Variants in LATS2 observed in about 807,000 individuals in gnomAD.
LATS2 encodes the protein large tumor suppressor kinase 2, also known as serine/threonine-protein kinase LATS2.
In LATS2, 24 loss-of-function variants were observed where a neutral mutation model predicts 76.0. The observed-to-expected ratio is 0.32, with a 90% CI of 0.23 to 0.44. LATS2 has a LOEUF of 0.44. Among genes scored for constraint, LATS2 ranks in the 20% least tolerant of loss-of-function variants. LATS2 has a pLI of 1.00. For synonymous variants in LATS2, 692 were observed against 635.4 expected (o/e 1.09, Z -1.34); for missense variants, 1,286 against 1,481.2 (o/e 0.87, Z 2.16).
At chr13:20,978,926 T>C (rs1162131327) in intron 7 of LATS2, among the ~76,000 whole-genome samples, 1 of 152,124 alleles carries the variant, frequency 6.6e-6, no homozygotes, top group Non-Finnish European at 1.5e-5. Flanking sequence ...CATGATGGAC[T>C]AATATTTTGT....
intron 2 of LATS2, among the ~76,000 whole-genome samples, chr13:21,010,789 T>C (rs1048800429): frequency 2.6e-5 from 4 of 152,172 alleles, no homozygotes; most frequent in African/African-American, 9.7e-5. Flanking sequence ...CTGTTCCTGT[T>C]TACCCTGCCT....
At chr13:20,983,158 G>A in intron 5 of LATS2, 66 bp downstream of exon 5, 1 of 1,100,500 alleles carries the variant, frequency 9.1e-7, no homozygotes, top group Non-Finnish European at 1.3e-6. Flanking sequence ...GGGAAATTTA[G>A]TTGCTTGCAA....
In LATS2 at chr13:20,988,856, G is replaced by T; in HGVS notation, c.924C>A (p.Ala308=). The stretch of plus-strand genomic sequence containing the variant: ...GTGGGTGCGGCACGTAGAGCCCGGC[G>T]GCAGGGGGTGGGAAAGCGAGGCCGG... The part of the protein sequence containing the change: ...PGAGLAFPPP[A]AGLYVPHPHH... Residue 308 remains alanine, a synonymous_variant, in exon 4 of 8, where the codon GCC becomes GCA. Coordinates refer to ENST00000382592, the MANE Select transcript of LATS2 (RefSeq NM_014572.3). The T allele has an allele frequency of 1.3e-6, 2 of 1,586,702 alleles. No homozygotes were observed. The highest frequency in any genetic ancestry group is 1.7e-6 in the Non-Finnish European group (2 of 1,172,622).
At chr13:21,047,246 TC>T (rs771745531) in intron 1 of LATS2, among the ~76,000 whole-genome samples, 1 of 152,136 alleles carries the variant, frequency 6.6e-6, no homozygotes. Flanking sequence ...CCTGGACCAG[TC>T]CCTTCGCCTC....
intron 2 of LATS2, among the ~76,000 whole-genome samples, chr13:21,041,368 C>T (rs924237344): frequency 1.3e-5 from 2 of 152,222 alleles, no homozygotes; most frequent in Non-Finnish European, 2.9e-5. Flanking sequence ...CACATCCTGA[C>T]CACTGGCTGT....
chr13:21,006,257 G>C (rs1871264817), intron 2 of LATS2, among the ~76,000 whole-genome samples: 1 of 151,144 alleles, frequency 6.6e-6, no homozygotes, highest in Non-Finnish European at 1.5e-5. Flanking sequence ...GAGCCTGCAA[G>C]AGGCTGGGAC....
At position 20,987,799 on chromosome 13, in the gene LATS2, C is replaced by G. The variant is rs909161798; in HGVS notation, c.1899+82G>C. ...GATGATAAGGGGTATACAGTCGAAA[C>G]AGAAAAGGGATTGTGCGTGCTTCCT... is the stretch of plus-strand genomic sequence containing the variant. On this transcript the variant is annotated intron_variant, in intron 4 of 7. Coordinates refer to ENST00000382592, the MANE Select transcript of LATS2 (RefSeq NM_014572.3). 2.6e-5 allele frequency: 39 copies of G among 1,500,474 alleles called. No homozygotes were observed. The South Asian group carries it at 4.1e-4, about 16-fold the overall frequency. The allele number at this position is 1,500,474 out of a possible 1,614,324, so 92.9% of individuals were successfully genotyped here. A position where few individuals can be genotyped will look rare whatever the true frequency, so the allele number is the denominator to read the frequency against.
chr13:21,010,759 T>C (rs1301490902), intron 2 of LATS2, among the ~76,000 whole-genome samples: 3 of 152,190 alleles, frequency 2.0e-5, no homozygotes, highest in African/African-American at 7.2e-5. Context: ...TCTGCTTAAC[T>C]TGGGGACTTT....
chr13:21,007,582 TATATAG>T lies in LATS2; in HGVS notation c.343-16184_343-16179del, dbSNP rs1449374585. The stretch of plus-strand genomic sequence containing the variant: ...ATATATATATATATATATATATATA[TATATAG>T]TATATATATATATAGTGTGTATATA... On this transcript the variant is annotated intron_variant, in intron 2 of 7. Transcript: ENST00000382592. 3.0e-4 allele frequency among the ~76,000 whole-genome samples: 6 copies of T among 19,866 alleles called. 1 individual carries two copies. Among genetic ancestry groups the T allele is most frequent in the Admixed American group, 2.1e-3 (2 of 962 alleles). 13.0% of individuals were successfully genotyped at this position (19,866 alleles called of 152,430 possible).
At chr13:21,017,457 G>A (rs9509485) in intron 2 of LATS2, among the ~76,000 whole-genome samples, 82,796 of 151,868 alleles carry the variant, frequency 0.55, 25,848 homozygotes, top group Non-Finnish European at 0.7. Context: ...TTACAGGCAT[G>A]AGCCACCACA....
chr13:20,989,228 G>A lies in LATS2; in HGVS notation c.552C>T (p.His184=), dbSNP rs1870399452. 1 of 1,613,964 alleles carries A rather than the reference G, an allele frequency of 6.2e-7. No individual in the cohort carries two copies. The highest frequency in any genetic ancestry group is 1.3e-5 in the African/African-American group (1 of 75,076). ...EGTGDSFASY[H]QLSGTPYEGP... Reference sequence around the variant, plus strand: ...CCTCGTAGGGGGTACCGCTCAGCTGGTGGTAGGACGCAAACGAATCGCCGG... The same window carrying A: ...CCTCGTAGGGGGTACCGCTCAGCTGATGGTAGGACGCAAACGAATCGCCGG... The change falls in exon 4 of 8, where the codon CAC becomes CAT. Residue 184 remains histidine (H), a synonymous_variant. Transcript: ENST00000382592.
At chr13:20,993,015 A>T (rs1447351283) in intron 2 of LATS2, among the ~76,000 whole-genome samples, 112 of 135,840 alleles carry the variant, frequency 8.2e-4, no homozygotes, top group African/African-American at 3.0e-3. Context: ...CAGCCTGGCG[A>T]CAAAGTGTGA....
chr13:21,041,074 A>G (rs532839920), intron 2 of LATS2, among the ~76,000 whole-genome samples: 7 of 151,410 alleles, frequency 4.6e-5, no homozygotes, highest in African/African-American at 9.7e-5. Flanking sequence ...CTGGGTTCAC[A>G]CCATTCTCCT....
intron 2 of LATS2, among the ~76,000 whole-genome samples, chr13:21,004,133 T>C (rs1336540396): frequency 6.6e-6 from 1 of 152,290 alleles, no homozygotes; most frequent in East Asian, 1.9e-4. Context: ...AAAAGCACTT[T>C]AAAATGCTTC....
At chr13:21,019,034 G>A (rs2138355908) in intron 2 of LATS2, among the ~76,000 whole-genome samples, 1 of 152,212 alleles carries the variant, frequency 6.6e-6, no homozygotes, top group South Asian at 2.1e-4. Flanking sequence ...CAGTAGCTCT[G>A]TACGTGGGAA....
intron 2 of LATS2, among the ~76,000 whole-genome samples, chr13:20,995,777 C>A (rs536554674): frequency 1.3e-5 from 2 of 152,242 alleles, no homozygotes; most frequent in South Asian, 4.1e-4. Flanking sequence ...CTAGTTTGCA[C>A]ACGTGCCATT....
chr13:21,040,015 G>A (rs1399268514), intron 2 of LATS2, among the ~76,000 whole-genome samples: 1 of 151,820 alleles, frequency 6.6e-6, no homozygotes, highest in Admixed American at 6.6e-5. Flanking sequence ...AGAGGTTGCA[G>A]TAAGCCGAGA....
At chr13:21,002,893 G>C (rs1871111255) in intron 2 of LATS2, among the ~76,000 whole-genome samples, 1 of 152,036 alleles carries the variant, frequency 6.6e-6, no homozygotes, top group African/African-American at 2.4e-5. Flanking sequence ...TTAGAGAAAG[G>C]GTCCCACTAT....
At chr13:21,050,121 T>TAGACAGAC (rs764432062) in intron 1 of LATS2, among the ~76,000 whole-genome samples, 652 of 53,416 alleles carry the variant, frequency 0.012, 18 homozygotes, top group African/African-American at 0.018. Context: ...CTCTGTCTCA[T>TAGACAGAC]AGACAGATAG....
Sources: allele counts gnomAD v4.1 joint callset (sites outside exome capture counted in the v4.1 genomes callset), GRCh38; gene constraint gnomAD v4.1.1; transcripts MANE v1.5; gene names NCBI Gene and HGNC (gene_info 2026-07-23, HGNC 2026-07-21).